The following DCST1 variants were observed in gnomAD, a reference collection of about 807,000 sequenced individuals.
DCST1 encodes E3 ubiquitin-protein ligase DCST1.
A neutral mutation model predicts 89.1 loss-of-function variants in DCST1; 78 were observed. The observed-to-expected ratio is 0.88, with a 90% confidence interval of 0.73 to 1.06. The LOEUF (loss-of-function observed/expected upper bound fraction) is 1.06. DCST1 is among the 50% of genes least tolerant of loss of function. The pLI, the probability that DCST1 is intolerant of heterozygous loss-of-function variation, is 0.00. For synonymous variants in DCST1, 364 were observed against 371.9 expected (o/e 0.98, Z 0.24); for missense variants, 900 against 928.6 (o/e 0.97, Z 0.40).
chr1:155,040,417 G>A, intron 5 of DCST1, 68 bp from the exon 6 acceptor site: 2 of 1,516,646 alleles, frequency 1.3e-6, no homozygotes, highest in South Asian at 1.3e-5. Flanking sequence ...TTTGCAGAGG[G>A]AAGCTGAGCG....
chr1:155,041,919 C>T (rs1046049346), intron 8 of DCST1, 62 bp downstream of exon 8: 1 of 1,599,944 alleles, frequency 6.3e-7, no homozygotes, highest in Non-Finnish European at 8.5e-7. Flanking sequence ...TTGGGACCCA[C>T]TGGTAGGTGA....
chr1:155,039,396 C>A lies in DCST1; in HGVS notation c.263-7C>A. 1 of 1,565,252 alleles carries A rather than the reference C, an allele frequency of 6.4e-7. No individual in the cohort carries two copies. The highest frequency in any genetic ancestry group is 8.7e-7 in the Non-Finnish European group (1 of 1,154,274). On this transcript the variant is annotated splice_polypyrimidine_tract_variant and splice_region_variant and intron_variant, in intron 4 of 16. Transcript: ENST00000295542. ...TCAGCTCACCACCTCCTGGGCTCTC[C>A]TGACAGGCTTGGGGGCCATGGGCTG...
intron 5 of DCST1, among the ~76,000 whole-genome samples, chr1:155,040,181 T>G (rs1199993773): frequency 6.7e-6 from 1 of 150,210 alleles, no homozygotes; most frequent in Non-Finnish European, 1.5e-5. Flanking sequence ...CGTGTGCCTG[T>G]AATCCCAGCT....
In DCST1 at chr1:155,050,562, T is replaced by A. The variant is rs897595006; in HGVS notation, c.1870-55T>A. 6.6e-6 allele frequency: 10 copies of A among 1,506,306 alleles called. No homozygotes were observed. In the Admixed American group the frequency reaches 2.0e-4, roughly 29 times the overall value. 93.3% of individuals were successfully genotyped at this position (1,506,306 alleles called of 1,614,324 possible). A position where few individuals can be genotyped will look rare whatever the true frequency, so the allele number is the denominator to read the frequency against. On this transcript the variant is annotated intron_variant, in intron 16 of 16. Coordinates refer to ENST00000295542, the MANE Select transcript of DCST1 (RefSeq NM_152494.4). Reference sequence around the variant, plus strand: ...CTTCAGACAGGAAACGCTGTCCAGTTCCCCTTCTTTCCCGCCTCGCTCCCG... The same window carrying A: ...CTTCAGACAGGAAACGCTGTCCAGTACCCCTTCTTTCCCGCCTCGCTCCCG...
chr1:155,047,919 A>T lies in DCST1; in HGVS notation c.1745A>T (p.Tyr582Phe). The change falls in exon 15 of 17, where the codon TAC becomes TTC. Residue 582 changes from tyrosine to phenylalanine, a missense_variant. Transcript: ENST00000295542. ...CTCCGGAGGGTCATCGCAGCCTTCTACTTCCCCAAGGTTTGCCCCTCCCCA... is the reference window on the plus strand; with the variant it reads ...CTCCGGAGGGTCATCGCAGCCTTCTTCTTCCCCAAGGTTTGCCCCTCCCCA... ...YRLRRVIAAF[Y>F]FPKREKKRIL... The T allele has an allele frequency of 6.2e-7, 1 of 1,613,814 alleles. No homozygotes were observed. The highest frequency in any genetic ancestry group is 8.5e-7 in the Non-Finnish European group (1 of 1,179,922).
chr1:155,049,695 CTG>C (rs1338706796), intron 16 of DCST1, among the ~76,000 whole-genome samples: 2 of 152,196 alleles, frequency 1.3e-5, no homozygotes, highest in Non-Finnish European at 2.9e-5. Context: ...AAAAGTGAGA[CTG>C]TGTTTGCTTA....
In DCST1 at chr1:155,047,838, C is replaced by A. The variant is rs745861868; in HGVS notation, c.1664C>A (p.Ala555Glu). 1 of 1,614,228 alleles carries A rather than the reference C, an allele frequency of 6.2e-7. No homozygotes were observed. The highest frequency in any genetic ancestry group is 2.2e-5 in the East Asian group (1 of 44,886). ...GLDARAYWRA[A>E]VPIGLLVCLC... ...GATGCCAGGGCCTACTGGAGAGCTG[C>A]AGTACCGATTGGCCTGTTAGTGTGT... The change falls in exon 15 of 17, where the codon GCA (alanine) becomes GAA (glutamate). Residue 555 changes from alanine (A) to glutamate (E), a missense_variant. Transcript: ENST00000295542.
At chr1:155,046,302 T>C in intron 12 of DCST1, 58 bp from the exon 13 acceptor site, 1 of 1,613,356 alleles carries the variant, frequency 6.2e-7, no homozygotes, top group Non-Finnish European at 8.5e-7. Flanking sequence ...CACCAGAGAG[T>C]GCTCCGTGCC....
Position 155,047,224 on chromosome 1 carries a change from G to A in DCST1, c.1524G>A (p.Gly508=), listed in dbSNP as rs1295041568. ...GTCATAAACTGGAGGTGAAGGTCGG[G>A]GGAGACTCCATGCTAGCCCGGCTTC... ...RSSHKLEVKV[G]GDSMLARLLR... is the part of the protein sequence containing the mutation. The change falls in exon 14 of 17, where the codon GGG becomes GGA. Residue 508 remains glycine (G), a synonymous_variant. Coordinates refer to ENST00000295542, the MANE Select transcript of DCST1 (RefSeq NM_152494.4). 3 of 1,614,218 alleles carry A rather than the reference G, an allele frequency of 1.9e-6. No homozygotes were observed. The highest frequency in any genetic ancestry group is 2.2e-5 in the East Asian group (1 of 44,882).
At chr1:155,047,366 T>TAA in intron 14 of DCST1, 54 bp downstream of exon 14, 3 of 1,485,438 alleles carry the variant, frequency 2.0e-6, no homozygotes, top group Non-Finnish European at 2.8e-6. Flanking sequence ...GGGGCAAGGG[T>TAA]CAAAAGACTC....
intron 2 of DCST1, 117 bp downstream of exon 2, chr1:155,034,214 G>A (rs1660195490): frequency 2.6e-6 from 4 of 1,528,118 alleles, no homozygotes; most frequent in Non-Finnish European, 3.6e-6. Context: ...CCACCTCTCT[G>A]GTCTAGTGCC....
intron 8 of DCST1, 129 bp from the exon 9 acceptor site, chr1:155,042,606 T>G: frequency 8.0e-7 from 1 of 1,243,900 alleles, no homozygotes; most frequent in Non-Finnish European, 1.1e-6. Context: ...TCAGCATTGG[T>G]GTGGTAGCAA....
chr1:155,041,861 T>G lies in DCST1; in HGVS notation c.892+4T>G. On this transcript the variant is annotated splice_donor_region_variant and intron_variant, in intron 8 of 16. Transcript: ENST00000295542. ...TTCTTCTGTGGCATTGCCAAGGGTC[T>G]GCACAGTTGCAAAGGGGTGGGGAGC... 6.2e-7 allele frequency: 1 copy of G among 1,614,220 alleles called. No individual in the cohort carries two copies. Among genetic ancestry groups the G allele is most frequent in the Non-Finnish European group, 8.5e-7 (1 of 1,180,036 alleles).
intron 4 of DCST1, among the ~76,000 whole-genome samples, chr1:155,038,665 A>G (rs1571560010): frequency 6.6e-6 from 1 of 152,072 alleles, no homozygotes; most frequent in African/African-American, 2.4e-5. Flanking sequence ...ACACTTACTC[A>G]CCTTCCAGGC....
chr1:155,050,206 T>C (rs1429352876), intron 16 of DCST1, among the ~76,000 whole-genome samples: 1 of 152,230 alleles, frequency 6.6e-6, no homozygotes, highest in Non-Finnish European at 1.5e-5. Context: ...TGGTTTGGAA[T>C]CAGGGCCCCT....
chr1:155,034,269 C>T (rs1660196717), intron 2 of DCST1, 166 bp from the exon 3 acceptor site: 6 of 1,566,418 alleles, frequency 3.8e-6, no homozygotes, highest in Non-Finnish European at 5.2e-6. Context: ...CCCTTACACC[C>T]ATACCACTTC....
At chr1:155,040,235 G>A (rs1404212102) in intron 5 of DCST1, among the ~76,000 whole-genome samples, 4 of 150,432 alleles carry the variant, frequency 2.7e-5, no homozygotes, top group African/African-American at 7.4e-5. Flanking sequence ...CCCGGGAGGC[G>A]GAGGTTGCAA....
intron 10 of DCST1, among the ~76,000 whole-genome samples, chr1:155,044,447 A>G (rs998333166): frequency 1.5e-5 from 2 of 137,030 alleles, no homozygotes; most frequent in African/African-American, 5.4e-5. Context: ...TGCATTCTGC[A>G]TTCCAGCCTG....
At chr1:155,043,325 T>C (rs774947970) in intron 9 of DCST1, 27 bp from the exon 10 acceptor site, 1 of 1,613,930 alleles carries the variant, frequency 6.2e-7, no homozygotes, top group South Asian at 1.1e-5. Context: ...GGCCGCAGGC[T>C]GAGTTTGCTC....
Sources: allele counts gnomAD v4.1 joint callset (sites outside exome capture counted in the v4.1 genomes callset), GRCh38; gene constraint gnomAD v4.1.1; transcripts MANE v1.5; gene names NCBI Gene and HGNC (gene_info 2026-07-23, HGNC 2026-07-21).